The following ROR1 variants were observed in gnomAD, a reference collection of about 807,000 sequenced individuals.
ROR1 encodes inactive tyrosine-protein kinase transmembrane receptor ROR1.
A neutral mutation model predicts 78.8 loss-of-function variants in ROR1; 19 were observed. The observed-to-expected ratio is 0.24, with a 90% CI of 0.17 to 0.35. The LOEUF is 0.35. Ranked by LOEUF, ROR1 falls within the 10% of genes least tolerant of loss-of-function variation. The pLI is 1.00. For synonymous variants in ROR1, 386 were observed against 433.6 expected (o/e 0.89, Z 1.36); for missense variants, 917 against 1,177.8 (o/e 0.78, Z 3.24).
chr1:63,906,235 A>T (rs1206100377), intron 1 of ROR1, among the ~76,000 whole-genome samples: 1 of 152,184 alleles, frequency 6.6e-6, no homozygotes, highest in African/African-American at 2.4e-5. Flanking sequence ...AGCCTCATAG[A>T]TACGGGTCCT....
At chr1:63,838,954 A>G (rs569991456) in intron 1 of ROR1, among the ~76,000 whole-genome samples, 2 of 152,228 alleles carry the variant, frequency 1.3e-5, no homozygotes, top group African/African-American at 4.8e-5. Flanking sequence ...AACATGCTGT[A>G]CAAGTTTGTA....
At chr1:63,783,398 T>A (rs750401622) in intron 1 of ROR1, among the ~76,000 whole-genome samples, 8 of 152,130 alleles carry the variant, frequency 5.3e-5, no homozygotes, top group Non-Finnish European at 1.0e-4. Flanking sequence ...CTATTCCCCC[T>A]CTTGTCTGCT....
intron 2 of ROR1, among the ~76,000 whole-genome samples, chr1:64,033,975 G>A (rs1001675836): frequency 2.6e-5 from 4 of 152,154 alleles, no homozygotes; most frequent in African/African-American, 7.2e-5. Flanking sequence ...AGATGGTGTC[G>A]TGTGTGTCTT....
intron 8 of ROR1, among the ~76,000 whole-genome samples, chr1:64,160,305 AT>A (rs11358624): frequency 0.33 from 50,361 of 151,550 alleles, 8,753 homozygotes; most frequent in Middle Eastern, 0.42. Context: ...TACTGTTTAA[AT>A]TTTTTTTATC....
intron 1 of ROR1, among the ~76,000 whole-genome samples, chr1:63,984,797 T>G (rs1646238092): frequency 6.6e-6 from 1 of 152,210 alleles, no homozygotes; most frequent in South Asian, 2.1e-4. Context: ...AGATATACAA[T>G]ATGAAGTCTC....
At chr1:63,793,794 C>T (rs555712563) in intron 1 of ROR1, among the ~76,000 whole-genome samples, 2 of 152,280 alleles carry the variant, frequency 1.3e-5, no homozygotes, top group East Asian at 3.9e-4. Flanking sequence ...TGATCAGAGC[C>T]GAGCCATCCA....
At chr1:63,799,022 T>C (rs540269492) in intron 1 of ROR1, among the ~76,000 whole-genome samples, 3 of 152,286 alleles carry the variant, frequency 2.0e-5, no homozygotes, top group South Asian at 2.1e-4. Context: ...CTGGATTAAC[T>C]TCCCCAGCAT....
chr1:63,841,743 T>C (rs1645050948), intron 1 of ROR1, among the ~76,000 whole-genome samples: 1 of 152,218 alleles, frequency 6.6e-6, no homozygotes, highest in Non-Finnish European at 1.5e-5. Flanking sequence ...ATTGAGCATA[T>C]ACATTGTGCA....
chr1:63,991,025 C>A (rs1646291470), intron 1 of ROR1, among the ~76,000 whole-genome samples: 2 of 152,116 alleles, frequency 1.3e-5, no homozygotes, highest in Non-Finnish European at 2.9e-5. Context: ...TTCAAGTGAT[C>A]CTCCTGCCTC....
At chr1:63,839,037 C>T (rs757599750) in intron 1 of ROR1, among the ~76,000 whole-genome samples, 5 of 152,116 alleles carry the variant, frequency 3.3e-5, no homozygotes, top group Admixed American at 6.6e-5. Context: ...TGTGTAAGTA[C>T]GCTCTGTGAT....
At position 63,788,982 on chromosome 1, in the gene ROR1, C is replaced by T. The variant is rs548818051; in HGVS notation, c.91+14474C>T. On this transcript the variant is annotated intron_variant, in intron 1 of 8. Coordinates refer to ENST00000371079, the MANE Select transcript of ROR1 (RefSeq NM_005012.4). Reference sequence around the variant, plus strand: ...ATCAATCTTCTTAGATATGCGGTATCTTCTGAGCAGCCAGCACAGAATCCT... The same window carrying T: ...ATCAATCTTCTTAGATATGCGGTATTTTCTGAGCAGCCAGCACAGAATCCT... 2.6e-4 allele frequency: 169 copies of T among 658,736 alleles called. 2 individuals are homozygous for T. The highest frequency in any genetic ancestry group is 2.3e-3 in the South Asian group (168 of 73,110). 40.8% of individuals were successfully genotyped at this position (658,736 alleles called of 1,614,324 possible).
At chr1:64,025,617 A>G (rs1194199651) in intron 2 of ROR1, among the ~76,000 whole-genome samples, 1 of 151,188 alleles carries the variant, frequency 6.6e-6, no homozygotes, top group Non-Finnish European at 1.5e-5. Context: ...ATACACATAT[A>G]CACACATATG....
intron 4 of ROR1, among the ~76,000 whole-genome samples, chr1:64,127,884 G>A (rs562983034): frequency 7.9e-5 from 12 of 152,178 alleles, no homozygotes; most frequent in African/African-American, 2.9e-4. Flanking sequence ...ACCCAAGAAC[G>A]GCCAGATGGC....
intron 1 of ROR1, among the ~76,000 whole-genome samples, chr1:63,872,813 T>G (rs538925642): frequency 2.6e-5 from 4 of 152,154 alleles, no homozygotes; most frequent in African/African-American, 9.6e-5. Context: ...TCTTCATTAG[T>G]GGTGCTAATG....
chr1:63,996,581 T>C (rs1013807872), intron 1 of ROR1, among the ~76,000 whole-genome samples: 1 of 152,198 alleles, frequency 6.6e-6, no homozygotes, highest in African/African-American at 2.4e-5. Flanking sequence ...CTGATTAAGA[T>C]AATTTCCACT....
chr1:64,122,771 G>A (rs1648587209), intron 4 of ROR1, among the ~76,000 whole-genome samples: 1 of 152,098 alleles, frequency 6.6e-6, no homozygotes, highest in Non-Finnish European at 1.5e-5. Flanking sequence ...CACATCTCTA[G>A]CTCCTTCAAT....
chr1:63,878,908 C>T (rs1645306094), intron 1 of ROR1, among the ~76,000 whole-genome samples: 1 of 152,102 alleles, frequency 6.6e-6, no homozygotes, highest in Admixed American at 6.6e-5. Flanking sequence ...AAGCCTGTTG[C>T]ATTACAGGTC....
chr1:64,094,198 CTA>C (rs1251925364), intron 4 of ROR1, among the ~76,000 whole-genome samples: 5 of 152,182 alleles, frequency 3.3e-5, no homozygotes, highest in Non-Finnish European at 7.4e-5. Context: ...CCAAAGTTTT[CTA>C]TGTCTATTGC....
intron 3 of ROR1, among the ~76,000 whole-genome samples, chr1:64,050,413 G>A (rs944183940): frequency 6.6e-6 from 1 of 151,972 alleles, no homozygotes; most frequent in Admixed American, 6.6e-5. Flanking sequence ...TCCCTGCATA[G>A]TTTGAAGATG....
Sources: gnomAD v4.1 joint callset for allele counts (sites outside exome capture counted in the v4.1 genomes callset) on GRCh38, gnomAD v4.1.1 for gene constraint, MANE v1.5 for transcripts, NCBI Gene and HGNC (gene_info 2026-07-23, HGNC 2026-07-21) for gene names.